The following DSCAML1 variants were observed in gnomAD, a reference collection of about 807,000 sequenced individuals.
The protein encoded by DSCAML1 is DS cell adhesion molecule like 1.
A neutral mutation model predicts 200.5 loss-of-function variants in DSCAML1; 38 were observed. The observed-to-expected ratio is 0.19, with a 90% CI of 0.15 to 0.25. The LOEUF (loss-of-function observed/expected upper bound fraction) is 0.25, where lower values mean the gene tolerates loss of function less well. DSCAML1 is among the 10% of genes least tolerant of loss of function. DSCAML1 has a pLI of 1.00. For missense variants in DSCAML1, 2,223 were observed against 2,858.8 expected (o/e 0.78, Z 5.07); for synonymous variants, 1,215 against 1,165.0 (o/e 1.04, Z -0.87).
Position 117,505,874 on chromosome 11 carries a change from G to T in DSCAML1, c.1784-142C>A, listed in dbSNP as rs747357878. On this transcript the variant is annotated intron_variant, in intron 8 of 32. Coordinates refer to ENST00000651296, the MANE Select transcript of DSCAML1 (RefSeq NM_020693.4). The surrounding 1 kb of genome is among the most constrained non-coding windows in gnomAD (Gnocchi z 6.7). The stretch of plus-strand genomic sequence containing the variant: ...GGGCACTGCAGCCTTGTTCTCCTAT[G>T]CATGCAGGGTCTCCTAATGATGCCT... 2.2e-5 allele frequency: 22 copies of T among 1,005,790 alleles called. No individual in the cohort carries two copies. Among genetic ancestry groups the T allele is most frequent in the Non-Finnish European group, 3.0e-5 (21 of 702,576 alleles). 62.3% of individuals were successfully genotyped at this position (1,005,790 alleles called of 1,614,324 possible). A position where few individuals can be genotyped will look rare whatever the true frequency, so the allele number is the denominator to read the frequency against.
Position 117,743,935 on chromosome 11 carries a change from C to A in DSCAML1, c.511+32856G>T, listed in dbSNP as rs1265444193. ...TCCTTTGTCTCCAGGAACATGTTCA[C>A]TCGTTGGCCTCAGCTGAAAAGTGAC... On this transcript the variant is annotated intron_variant, in intron 3 of 32. Coordinates refer to ENST00000651296, the MANE Select transcript of DSCAML1 (RefSeq NM_020693.4). Among the ~76,000 whole-genome samples the A allele has an allele frequency of 2.0e-5, 3 of 152,202 alleles. No homozygotes were observed. In the South Asian group the frequency reaches 6.2e-4, roughly 32 times the overall value.
At chr11:117,520,667 C>T (rs138690434) in intron 6 of DSCAML1, among the ~76,000 whole-genome samples, 13 of 151,032 alleles carry the variant, frequency 8.6e-5, no homozygotes, top group South Asian at 2.1e-4. Flanking sequence ...GCGGGAGGAT[C>T]GCTTCACCCC....
chr11:117,447,318 T>C (rs1486560219), intron 20 of DSCAML1, among the ~76,000 whole-genome samples: 1 of 152,072 alleles, frequency 6.6e-6, no homozygotes, highest in Admixed American at 6.5e-5. Context: ...TAGAAGAATA[T>C]CTGATGGTGT....
intron 1 of DSCAML1, among the ~76,000 whole-genome samples, chr11:117,794,375 G>T (rs1027451330): frequency 6.6e-6 from 1 of 152,118 alleles, no homozygotes. Flanking sequence ...AGTTATTGGA[G>T]ACTCGATAAC....
At chr11:117,640,903 G>A (rs1333087714) in intron 3 of DSCAML1, among the ~76,000 whole-genome samples, 3 of 152,196 alleles carry the variant, frequency 2.0e-5, no homozygotes, top group African/African-American at 7.2e-5. Context: ...GTGTGTGTTT[G>A]TGTGCATGTG....
chr11:117,696,263 C>T (rs1008216202), intron 3 of DSCAML1, among the ~76,000 whole-genome samples: 10 of 152,148 alleles, frequency 6.6e-5, no homozygotes, highest in Non-Finnish European at 1.2e-4. Flanking sequence ...TGAGCTGGTT[C>T]CCCCCTGGGG....
At chr11:117,466,272 G>C (rs1181024703) in intron 16 of DSCAML1, among the ~76,000 whole-genome samples, 1 of 152,218 alleles carries the variant, frequency 6.6e-6, no homozygotes, top group African/African-American at 2.4e-5. Flanking sequence ...CCATGAAAGG[G>C]AGAAAACACT....
intron 3 of DSCAML1, among the ~76,000 whole-genome samples, chr11:117,617,138 C>T (rs1224868800): frequency 3.3e-5 from 5 of 152,136 alleles, no homozygotes; most frequent in Non-Finnish European, 7.4e-5. Context: ...AAGATGGGGG[C>T]CCAGAGAGGT....
At chr11:117,485,439 A>G (rs1327066246) in intron 11 of DSCAML1, among the ~76,000 whole-genome samples, 1 of 152,164 alleles carries the variant, frequency 6.6e-6, no homozygotes, top group Non-Finnish European at 1.5e-5. Context: ...AGTTCAGGGG[A>G]GCCCGTTCAT....
chr11:117,528,227 C>T (rs2050013864), intron 4 of DSCAML1, among the ~76,000 whole-genome samples: 1 of 151,836 alleles, frequency 6.6e-6, no homozygotes, highest in Non-Finnish European at 1.5e-5. Context: ...AAGAATTACT[C>T]AATGTGACAC....
At chr11:117,760,358 T>C (rs1399596833) in intron 3 of DSCAML1, among the ~76,000 whole-genome samples, 1 of 152,236 alleles carries the variant, frequency 6.6e-6, no homozygotes, top group Non-Finnish European at 1.5e-5. Flanking sequence ...AGCGCTACCC[T>C]GAATATGGTG....
intron 1 of DSCAML1, among the ~76,000 whole-genome samples, chr11:117,793,219 G>C (rs1234158687): frequency 1.3e-5 from 2 of 152,176 alleles, no homozygotes; most frequent in African/African-American, 4.8e-5. Flanking sequence ...GCTGCCTGTA[G>C]CTCACCCTAT....
chr11:117,745,144 G>C (rs1277465330), intron 3 of DSCAML1, among the ~76,000 whole-genome samples: 3 of 151,758 alleles, frequency 2.0e-5, no homozygotes, highest in Non-Finnish European at 2.9e-5. Flanking sequence ...CAGGCCTCAG[G>C]AGGGTGGTCA....
Position 117,559,130 on chromosome 11 carries a change from A to AACAGACAGAAAGAAAGACAG in DSCAML1, c.512-26609_512-26608insCTGTCTTTCTTTCTGTCTGT, listed in dbSNP as rs879310100. 9.8e-3 allele frequency among the ~76,000 whole-genome samples: 1,495 copies of AACAGACAGAAAGAAAGACAG among 151,938 alleles called. 25 individuals carry two copies. Among genetic ancestry groups the AACAGACAGAAAGAAAGACAG allele is most frequent in the African/African-American group, 0.033 (1,381 of 41,398 alleles). The stretch of plus-strand genomic sequence containing the variant: ...AAAAAAAGAAAAAGAAAGACAGAAA[A>AACAGACAGAAAGAAAGACAG]ACAGACACAAAGAAAGAAAGAAAAG... On this transcript the variant is annotated intron_variant, in intron 3 of 32. Coordinates refer to ENST00000651296, the MANE Select transcript of DSCAML1 (RefSeq NM_020693.4).
intron 3 of DSCAML1, among the ~76,000 whole-genome samples, chr11:117,547,317 C>T (rs979333689): frequency 2.0e-5 from 3 of 152,162 alleles, no homozygotes; most frequent in Admixed American, 6.5e-5. Flanking sequence ...TATTACAATT[C>T]GGGAAAGCTA....
chr11:117,577,482 CT>C (rs1279952191), intron 3 of DSCAML1, among the ~76,000 whole-genome samples: 2 of 25,258 alleles, frequency 7.9e-5, no homozygotes, highest in Non-Finnish European at 2.1e-4. Context: ...TCCTTCCTTC[CT>C]TCCTTCCTTC....
chr11:117,502,741 G>A (rs968980954), intron 11 of DSCAML1, among the ~76,000 whole-genome samples: 16 of 152,302 alleles, frequency 1.1e-4, no homozygotes, highest in African/African-American at 3.9e-4. Context: ...AGCTGGCCAG[G>A]TCATGAAATC....
intron 3 of DSCAML1, among the ~76,000 whole-genome samples, chr11:117,636,618 C>T (rs1591348085): frequency 6.6e-6 from 1 of 152,300 alleles, no homozygotes; most frequent in East Asian, 1.9e-4. Context: ...TTCCCCCTGC[C>T]TCACTGAAAC....
chr11:117,478,490 C>T (rs2048842548), intron 14 of DSCAML1, among the ~76,000 whole-genome samples: 1 of 152,152 alleles, frequency 6.6e-6, no homozygotes, highest in African/African-American at 2.4e-5. Flanking sequence ...GCTGCAATGG[C>T]CTCTTTTCTT....
Sources: allele counts gnomAD v4.1 joint callset (sites outside exome capture counted in the v4.1 genomes callset), GRCh38; gene constraint gnomAD v4.1.1; non-coding constraint Gnocchi (gnomAD v3.1); transcripts MANE v1.5; gene names NCBI Gene and HGNC (gene_info 2026-07-23, HGNC 2026-07-21).